Variants in HSPA9 observed in about 807,000 individuals in gnomAD.
HSPA9 encodes heat shock protein family A (Hsp70) member 9.
A neutral mutation model predicts 81.5 loss-of-function variants in HSPA9; 28 were observed. The observed-to-expected ratio is 0.34, with a 90% CI of 0.25 to 0.47. The LOEUF (loss-of-function observed/expected upper bound fraction) is 0.47, where lower values mean the gene tolerates loss of function less well. HSPA9 is among the 20% of genes least tolerant of loss of function. The pLI is 1.00. For missense variants in HSPA9, 678 were observed against 838.0 expected, an observed-to-expected ratio of 0.81 and a Z score of 2.36; for synonymous variants, 293 against 290.4, an observed-to-expected ratio of 1.01 and a Z score of -0.09.
chr5:138,570,950 T>C lies in HSPA9; in HGVS notation c.410+10A>G, dbSNP rs779704091. ...ACTGCTTTTTGCAAAAAACTTTTGC[T>C]GTTACTCACATGTCTTTCTGTACTT... On this transcript the variant is annotated intron_variant, in intron 4 of 16. Transcript: ENST00000297185. The C allele has an allele frequency of 3.1e-6, 5 of 1,613,926 alleles. No individual in the cohort carries two copies. Among genetic ancestry groups the C allele is most frequent in the Non-Finnish European group, 4.2e-6 (5 of 1,179,892 alleles).
chr5:138,559,583 C>CT (rs1232562297), intron 11 of HSPA9: 1 of 403,726 alleles, frequency 2.5e-6, no homozygotes, highest in African/African-American at 2.0e-5. Context: ...TCTCAAATGA[C>CT]TGAGATCCCT....
At chr5:138,561,933 C>T in intron 9 of HSPA9, 144 bp from the exon 10 acceptor site, 1 of 711,544 alleles carries the variant, frequency 1.4e-6, no homozygotes, top group Non-Finnish European at 2.5e-6. Context: ...AATGAATAGT[C>T]ACCAAGAATA....
At chr5:138,574,377 G>C (rs1751033802) in intron 1 of HSPA9, among the ~76,000 whole-genome samples, 1 of 152,166 alleles carries the variant, frequency 6.6e-6, no homozygotes, top group South Asian at 2.1e-4. Flanking sequence ...TCTGTGCATT[G>C]TAGGATATAC....
chr5:138,569,155 A>G, intron 4 of HSPA9, 106 bp from the exon 5 acceptor site: 4 of 1,028,702 alleles, frequency 3.9e-6, no homozygotes, highest in Admixed American at 1.8e-5. Context: ...AGACTCATTC[A>G]TGGCCAACAA....
At chr5:138,558,106 T>A in intron 12 of HSPA9, 120 bp from the exon 13 acceptor site, 1 of 762,116 alleles carries the variant, frequency 1.3e-6, no homozygotes, top group Non-Finnish European at 2.4e-6. Flanking sequence ...ACAAGTGATT[T>A]AATGTACAAA....
intron 3 of HSPA9, among the ~76,000 whole-genome samples, chr5:138,573,178 C>T (rs1750947975): frequency 6.6e-6 from 1 of 152,132 alleles, no homozygotes; most frequent in South Asian, 2.1e-4. Context: ...CAGGTGTGAG[C>T]CACTGTACCC....
chr5:138,573,733 G>C (rs1376156218), intron 3 of HSPA9, 30 bp downstream of exon 3: 6 of 1,337,044 alleles, frequency 4.5e-6, no homozygotes, highest in Admixed American at 3.4e-5. Context: ...ACAGATTCTG[G>C]ATAAGGTACT....
chr5:138,565,638 C>G (rs779254679), intron 9 of HSPA9, among the ~76,000 whole-genome samples: 14 of 152,208 alleles, frequency 9.2e-5, no homozygotes, highest in Admixed American at 2.0e-4. Context: ...ACCAAACTGA[C>G]AAAGAGGCTG....
chr5:138,561,026 T>G (rs1169222105), intron 10 of HSPA9: 2 of 491,588 alleles, frequency 4.1e-6, no homozygotes, highest in Non-Finnish European at 8.3e-6. Flanking sequence ...CAAGAAGAAC[T>G]GCATCTTCAA....
Position 138,556,027 on chromosome 5 carries a change from T to G in HSPA9, c.*10A>C, listed in dbSNP as rs1159641309. 1 of 1,599,944 alleles carries G rather than the reference T, an allele frequency of 6.3e-7. No individual in the cohort carries two copies. Among genetic ancestry groups the G allele is most frequent in the Non-Finnish European group, 8.6e-7 (1 of 1,167,380 alleles). The stretch of plus-strand genomic sequence containing the variant: ...ATGTTGTCCTTCTGGCTTCAAAATT[T>G]CTGCTATTATTACTGTTTTTCCTCC... On this transcript the variant is annotated 3_prime_UTR_variant, in exon 17 of 17. Transcript: ENST00000297185.
intron 9 of HSPA9, among the ~76,000 whole-genome samples, chr5:138,566,110 C>G (rs934177791): frequency 6.7e-6 from 1 of 148,522 alleles, no homozygotes; most frequent in Non-Finnish European, 1.5e-5. Context: ...ATCACTTGAA[C>G]CCAGGAGGCA....
chr5:138,575,180 AGCCCGAGGCCCAAG>A (rs1751063235), intron 1 of HSPA9, 44 bp downstream of exon 1: 23 of 1,234,758 alleles, frequency 1.9e-5, no homozygotes, highest in Middle Eastern at 4.6e-4. Context: ...GCCGCAGCGA[AGCCCGAGGCCCAAG>A]GCCCGAGGCC....
In HSPA9 at chr5:138,575,371, A is replaced by C. The variant is rs1455771530; in HGVS notation, c.-53T>G. On this transcript the variant is annotated 5_prime_UTR_variant, in exon 1 of 17. Coordinates refer to ENST00000297185, the MANE Select transcript of HSPA9 (RefSeq NM_004134.7). The stretch of plus-strand genomic sequence containing the variant: ...GCAAACAAGCGCTCCGACGGCAAAG[A>C]GCTGCGCGATGCGGTGGCGGCAGCG... 1 of 1,465,694 alleles carries C rather than the reference A, an allele frequency of 6.8e-7. No individual in the cohort carries two copies. The highest frequency in any genetic ancestry group is 2.3e-5 in the East Asian group (1 of 43,832). The allele number at this position is 1,465,694 out of a possible 1,614,324, so 90.8% of individuals were successfully genotyped here.
rs1219200451 is a variant in HSPA9, at chr5:138,558,598, T to C, written c.1470A>G (p.Glu490=). 3.7e-6 allele frequency: 6 copies of C among 1,613,950 alleles called. No individual in the cohort carries two copies. The highest frequency in any genetic ancestry group is 1.7e-5 in the Admixed American group (1 of 60,012). ...GTTTGTTGTCTCCAGCCATCTCTCT[T>C]TCACCCTGACACACTTTAATTTCCA... ...TQVEIKVCQG[E]REMAGDNKLL... The change falls in exon 12 of 17, where the codon GAA becomes GAG. Residue 490 remains glutamate (E), a synonymous_variant. Coordinates refer to ENST00000297185, the MANE Select transcript of HSPA9 (RefSeq NM_004134.7).
chr5:138,568,392 G>T (rs372799289), intron 5 of HSPA9, among the ~76,000 whole-genome samples: 1 of 150,936 alleles, frequency 6.6e-6, no homozygotes, highest in Admixed American at 6.6e-5. Flanking sequence ...TCCCAGCTAC[G>T]TTGGGGGGGA....
At chr5:138,566,853 A>G (rs942850347) in intron 8 of HSPA9, 135 bp from the exon 9 acceptor site, 5 of 1,119,614 alleles carry the variant, frequency 4.5e-6, no homozygotes, top group Non-Finnish European at 6.8e-6. Context: ...ATTACCCTTA[A>G]TGTGTAGGGA....
chr5:138,563,827 A>G (rs1221102193), intron 9 of HSPA9, among the ~76,000 whole-genome samples: 3 of 152,250 alleles, frequency 2.0e-5, no homozygotes, highest in African/African-American at 7.2e-5. Context: ...AAAGTTTACA[A>G]ATTTGTGTTG....
rs1157707348 is a variant in HSPA9, at chr5:138,556,771, C to A, written c.1821+3G>T. On this transcript the variant is annotated splice_donor_region_variant and intron_variant, in intron 15 of 16. Transcript: ENST00000297185. ...TCTTGAGTTACTTTAAAATAGAACT[C>A]ACCTCATCAGCAGGTAATTGGTCCT... 6.2e-7 allele frequency: 1 copy of A among 1,608,766 alleles called. No homozygotes were observed. Among genetic ancestry groups the A allele is most frequent in the South Asian group, 1.1e-5 (1 of 90,930 alleles).
intron 4 of HSPA9, among the ~76,000 whole-genome samples, chr5:138,570,555 G>A (rs1397264974): frequency 3.3e-5 from 5 of 152,064 alleles, no homozygotes; most frequent in Non-Finnish European, 7.4e-5. Context: ...CAGTGATCTC[G>A]GCTCACCGCA....
Sources: allele counts gnomAD v4.1 joint callset (sites outside exome capture counted in the v4.1 genomes callset), GRCh38; gene constraint gnomAD v4.1.1; transcripts MANE v1.5; gene names NCBI Gene and HGNC (gene_info 2026-07-23, HGNC 2026-07-21).